TRMT2B: variants seen among roughly 807,000 people sequenced by gnomAD.
The protein encoded by TRMT2B is tRNA (uracil-5-)-methyltransferase homolog B.
TRMT2B carries 34 observed loss-of-function variants against 39.7 expected under a neutral mutation model. The ratio of observed to expected loss-of-function variants is 0.86; its 90% CI spans 0.65 to 1.14. TRMT2B has a LOEUF of 1.14. Ranked by LOEUF, TRMT2B falls within the 50% of genes most tolerant of loss-of-function variation. The pLI, the probability that TRMT2B is intolerant of heterozygous loss-of-function variation, is 0.00. For synonymous variants in TRMT2B, 132 were observed against 137.3 expected (o/e 0.96, Z 0.27); for missense variants, 318 against 377.2 (o/e 0.84, Z 1.30).
At chrX:101,001,716 G>A in the TRMT2B span, among the ~76,000 whole-genome samples, 2 of 108,956 alleles carry the variant, frequency 1.8e-5, no homozygotes, top group African/African-American at 6.7e-5. Context: ...CAGCTGAAGG[G>A]ACTCCCACTG....
At chrX:101,026,181 TATC>T (rs2087073071) in intron 7 of TRMT2B, among the ~76,000 whole-genome samples, 1 of 111,136 alleles carries the variant, frequency 9.0e-6, no homozygotes, top group Non-Finnish European at 1.9e-5. Flanking sequence ...AAGATTCAAA[TATC>T]ATATAAAGCC....
chrX:101,002,175 G>A, the TRMT2B span, among the ~76,000 whole-genome samples: 12 of 111,230 alleles, frequency 1.1e-4, no homozygotes, highest in African/African-American at 3.3e-4. Context: ...TGCATTTCAC[G>A]GGACAGGCCA....
intron 11 of TRMT2B, 45 bp downstream of exon 11, chrX:101,020,442 A>C (rs760931170): frequency 3.7e-6 from 4 of 1,069,185 alleles, no homozygotes; most frequent in Non-Finnish European, 5.2e-6. Flanking sequence ...ATAGCACAGA[A>C]ACAACTGCAT....
chrX:101,018,454 T>C (rs1316753754), intron 13 of TRMT2B, among the ~76,000 whole-genome samples: 2 of 108,338 alleles, frequency 1.8e-5, no homozygotes, highest in African/African-American at 6.7e-5. Context: ...TTTTTTTTTT[T>C]TTTTCTGAGA....
In TRMT2B at chrX:101,047,289, A is replaced by G. The variant is rs778767735; in HGVS notation, c.-24+3962T>C. On this transcript the variant is annotated intron_variant, in intron 2 of 13. Coordinates refer to ENST00000372936, the MANE Select transcript of TRMT2B (RefSeq NM_024917.6). ...CTGAGCAGAGTCCAACACCTGGCAA[A>G]ATATCTTCAGTAAGCATTACTAGTA... is the stretch of plus-strand genomic sequence containing the variant. Among the ~76,000 whole-genome samples, 7 of 111,642 alleles carry G rather than the reference A, an allele frequency of 6.3e-5. No homozygotes were observed. In the South Asian group the frequency reaches 2.6e-3, roughly 42 times the overall value.
At chrX:101,026,551 T>C (rs2087105792) in intron 7 of TRMT2B, among the ~76,000 whole-genome samples, 1 of 108,200 alleles carries the variant, frequency 9.2e-6, no homozygotes, top group Non-Finnish European at 1.9e-5. Context: ...TAAAAGATAA[T>C]GGGTAAATAT....
At chrX:100,990,403 T>C in the TRMT2B span, 1 of 943,613 alleles carries the variant, frequency 1.1e-6, no homozygotes, top group Non-Finnish European at 1.3e-6. Context: ...AAACAGTTGA[T>C]ATCCCTCCCT....
At chrX:101,000,017 GAGA>G in the TRMT2B span, among the ~76,000 whole-genome samples, 1 of 112,121 alleles carries the variant, frequency 8.9e-6, no homozygotes, top group Non-Finnish European at 1.9e-5. Context: ...TGAGCCTAAT[GAGA>G]AGAAGCCTGT....
At chrX:100,986,991 T>C in the TRMT2B span, 1 of 575,613 alleles carries the variant, frequency 1.7e-6, no homozygotes, top group Non-Finnish European at 2.7e-6. Flanking sequence ...TATGTTGGGT[T>C]TGGGGCAAAG....
intron 5 of TRMT2B, chrX:101,037,446 GGCA>G (rs2087904817): frequency 5.7e-6 from 1 of 175,867 alleles, no homozygotes; most frequent in East Asian, 1.5e-4. Context: ...TACAAAATCA[GGCA>G]GCAAGACAGA....
intron 7 of TRMT2B, among the ~76,000 whole-genome samples, chrX:101,034,791 G>A (rs1222940968): frequency 9.0e-6 from 1 of 111,260 alleles, no homozygotes; most frequent in Non-Finnish European, 1.9e-5. Flanking sequence ...CAGCACTTTG[G>A]GAGGCCGAGG....
chrX:101,029,210 GT>G (rs2087298964), intron 7 of TRMT2B, among the ~76,000 whole-genome samples: 1 of 110,936 alleles, frequency 9.0e-6, no homozygotes, highest in African/African-American at 3.3e-5. Context: ...TGCCTAAAAT[GT>G]TTTTCCCTCA....
intron 7 of TRMT2B, among the ~76,000 whole-genome samples, chrX:101,027,081 G>T (rs896052695): frequency 9.0e-6 from 1 of 110,968 alleles, no homozygotes; most frequent in Non-Finnish European, 1.9e-5. Context: ...ACACATTAAG[G>T]TCACCCCCAA....
Position 101,016,642 on chromosome X carries a change from G to GTTT in TRMT2B, c.1388+2326_1388+2328dup, listed in dbSNP as rs397827366. On this transcript the variant is annotated intron_variant, in intron 13 of 13. Transcript: ENST00000372936. ...CCACTACGCCCAGCTAATTTTCGTG[G>GTTT]TTTTTTTTTTTTTTTTTTTTTGAGA... 7.7e-3 allele frequency among the ~76,000 whole-genome samples: 444 copies of GTTT among 57,524 alleles called. 15 individuals carry two copies. The highest frequency in any genetic ancestry group is 0.024 in the African/African-American group (327 of 13,625). The allele number at this position is 57,524 out of a possible 115,157, so 50.0% of individuals were successfully genotyped here. A position where few individuals can be genotyped will look rare whatever the true frequency, so the allele number is the denominator to read the frequency against.
At chrX:100,990,586 T>A in the TRMT2B span, 1 of 1,159,789 alleles carries the variant, frequency 8.6e-7, no homozygotes. Context: ...CTATACTCAC[T>A]GAGAGGCTCA....
chrX:101,022,674 G>A (rs1178923368), intron 8 of TRMT2B, among the ~76,000 whole-genome samples: 1 of 109,120 alleles, frequency 9.2e-6, no homozygotes, highest in East Asian at 2.9e-4. Flanking sequence ...ACGTATGCCT[G>A]TAGTCCCAGT....
At chrX:101,006,140 T>G (rs1461739120), downstream of TRMT2B, among the ~76,000 whole-genome samples, 1 of 106,220 alleles carries the variant, frequency 9.4e-6, no homozygotes, top group African/African-American at 3.4e-5. Context: ...AGAAACGACT[T>G]GAACCCAGGA....
At chrX:101,034,965 G>A (rs1479615808) in intron 7 of TRMT2B, among the ~76,000 whole-genome samples, 1 of 111,973 alleles carries the variant, frequency 8.9e-6, no homozygotes, top group Non-Finnish European at 1.9e-5. Context: ...CCAGGAGATG[G>A]AGGTTGCAGT....
the TRMT2B span, chrX:100,973,624 G>C: frequency 1.3e-5 from 15 of 1,122,987 alleles, no homozygotes; most frequent in Non-Finnish European, 1.8e-5. Context: ...TAAAGGCTCA[G>C]TGTTTATAAC....
Sources: gnomAD v4.1 joint callset for allele counts (sites outside exome capture counted in the v4.1 genomes callset) on GRCh38, gnomAD v4.1.1 for gene constraint, MANE v1.5 for transcripts, NCBI Gene and HGNC (gene_info 2026-07-23, HGNC 2026-07-21) for gene names.